The following MCM2 variants were observed in gnomAD, a reference collection of about 807,000 sequenced individuals.
The protein encoded by MCM2 is DNA replication licensing factor MCM2.
MCM2 carries 49 observed loss-of-function variants against 86.4 expected under a neutral mutation model. That is an observed-to-expected ratio of 0.57 (90% CI 0.45 to 0.72). MCM2 has a LOEUF of 0.72. MCM2 is among the 30% of genes least tolerant of loss of function. MCM2 has a pLI of 0.00. For synonymous variants in MCM2, 475 were observed against 484.6 expected (o/e 0.98, Z 0.26); for missense variants, 1,038 against 1,259.9 (o/e 0.82, Z 2.67).
At chr3:127,602,162 CTTTTTT>C (rs201744525) in intron 2 of MCM2, among the ~76,000 whole-genome samples, 4 of 127,938 alleles carry the variant, frequency 3.1e-5, no homozygotes, top group Admixed American at 7.8e-5. Context: ...TCCAGTTTAA[CTTTTTT>C]TTTTTTTTTT....
chr3:127,619,298 C>G lies in MCM2; in HGVS notation c.2265+20C>G, dbSNP rs759424031. The G allele has an allele frequency of 3.7e-6, 6 of 1,607,174 alleles. No homozygotes were observed. The Admixed American group carries it at 1.0e-4, about 27-fold the overall frequency. On this transcript the variant is annotated intron_variant, in intron 13 of 15. Coordinates refer to ENST00000265056, the MANE Select transcript of MCM2 (RefSeq NM_004526.4). Reference sequence around the variant, plus strand: ...TCTATGGTGAGAGCCCAGGCAGAGCCGGGAGGTGCTATGCAGAGAAGGAAG... The same window carrying G: ...TCTATGGTGAGAGCCCAGGCAGAGCGGGGAGGTGCTATGCAGAGAAGGAAG...
rs201200738 is a variant in MCM2, at chr3:127,619,063, G to A, written c.2050G>A (p.Val684Ile). The A allele has an allele frequency of 3.1e-5, 50 of 1,610,868 alleles. No homozygotes were observed. The highest frequency in any genetic ancestry group is 3.5e-5 in the Non-Finnish European group (41 of 1,177,844). Reference sequence around the variant, plus strand: ...GGCCCGCTTCGTGGTGGGCAGCCACGTCAGACACCACCCCAGCAACAAGGA... The same window carrying A: ...GGCCCGCTTCGTGGTGGGCAGCCACATCAGACACCACCCCAGCAACAAGGA... ...MLARFVVGSH[V>I]RHHPSNKEEE... The change falls in exon 13 of 16, where the codon GTC becomes ATC. Residue 684 changes from valine to isoleucine, a missense_variant. Transcript: ENST00000265056.
Position 127,606,054 on chromosome 3 carries a change from A to G in MCM2, c.674-64A>G. The G allele has an allele frequency of 1.5e-6, 2 of 1,329,630 alleles. No homozygotes were observed. The highest frequency in any genetic ancestry group is 3.5e-5 in the Admixed American group (2 of 57,638). The allele number at this position is 1,329,630 out of a possible 1,614,324, so 82.4% of individuals were successfully genotyped here. ...GGTAGGCCTTGCTTCTCACACAGGC[A>G]TTGTTGCAGCCCAGCCCAGGCCTCA... On this transcript the variant is annotated intron_variant, in intron 4 of 15. Coordinates refer to ENST00000265056, the MANE Select transcript of MCM2 (RefSeq NM_004526.4). This position sits in a 1 kb window ranked among gnomAD's most constrained non-coding sequence, Gnocchi z 4.2.
intron 4 of MCM2, 53 bp downstream of exon 4, chr3:127,605,209 TCCC>T: frequency 6.3e-7 from 1 of 1,584,516 alleles, no homozygotes; most frequent in Non-Finnish European, 8.6e-7. Context: ...CCCTAAATCC[TCCC>T]CAGAAAGTTG....
chr3:127,599,620 T>A, intron 2 of MCM2, 73 bp downstream of exon 2: 1 of 1,392,308 alleles, frequency 7.2e-7, no homozygotes, highest in Non-Finnish European at 9.8e-7. Context: ...GTGGCCTGGC[T>A]TTGGGAGCTG....
chr3:127,604,866 C>T (rs892328254), intron 3 of MCM2, 30 bp from the exon 4 acceptor site: 8 of 1,590,744 alleles, frequency 5.0e-6, no homozygotes, highest in South Asian at 2.3e-5. Flanking sequence ...TGGGGATGAC[C>T]GCAGTAGCAG....
In MCM2 at chr3:127,606,373, C is replaced by T. The variant is rs1367286914; in HGVS notation, c.893+36C>T. 1 of 1,599,680 alleles carries T rather than the reference C, an allele frequency of 6.3e-7. No individual in the cohort carries two copies. The highest frequency in any genetic ancestry group is 2.2e-5 in the East Asian group (1 of 44,812). ...GGCAGGTGAGGATGGCAGGTCCGAG[C>T]TCAGTGCTGGGTGACTCGGTCGTGA... is the stretch of plus-strand genomic sequence containing the variant. On this transcript the variant is annotated intron_variant, in intron 5 of 15. Transcript: ENST00000265056. The surrounding 1 kb of genome is among the most constrained non-coding windows in gnomAD (Gnocchi z 4.2).
chr3:127,605,372 A>T (rs756319661), intron 4 of MCM2, among the ~76,000 whole-genome samples: 2 of 152,064 alleles, frequency 1.3e-5, no homozygotes, highest in African/African-American at 4.8e-5. Flanking sequence ...CAAGCTTGAA[A>T]ATGGACAGAT....
intron 13 of MCM2, among the ~76,000 whole-genome samples, 162 bp downstream of exon 13, chr3:127,619,440 T>A (rs756284791): frequency 1.3e-5 from 2 of 151,954 alleles, no homozygotes. Context: ...GGCTCACGCC[T>A]GTAATCCCAG....
At chr3:127,608,250 T>C in intron 6 of MCM2, 132 bp from the exon 7 acceptor site, 1 of 1,134,554 alleles carries the variant, frequency 8.8e-7, no homozygotes, top group Non-Finnish European at 1.3e-6. Flanking sequence ...CATGAACTCA[T>C]TCCTTGCTGT....
Position 127,608,487 on chromosome 3 carries a change from G to A in MCM2, c.1207G>A (p.Val403Met). The A allele has an allele frequency of 1.2e-6, 2 of 1,614,232 alleles. No individual in the cohort carries two copies. The highest frequency in any genetic ancestry group is 1.7e-6 in the Non-Finnish European group (2 of 1,180,046). Reference sequence around the variant, plus strand: ...GGACGCCATTCTCCTCGCAGATCTGGTGGACAGCTGCAAGCCAGGAGACGA... The same window carrying A: ...GGACGCCATTCTCCTCGCAGATCTGATGGACAGCTGCAAGCCAGGAGACGA... ...SKDAILLADL[V>M]DSCKPGDEIE... The change falls in exon 7 of 16, where the codon GTG (valine) becomes ATG (methionine). Residue 403 changes from valine to methionine, a missense_variant. By Grantham distance (21) the Val-to-Met change is conservative. Coordinates refer to ENST00000265056, the MANE Select transcript of MCM2 (RefSeq NM_004526.4).
chr3:127,600,260 G>C (rs1466930284), intron 2 of MCM2, among the ~76,000 whole-genome samples: 1 of 152,194 alleles, frequency 6.6e-6, no homozygotes, highest in Non-Finnish European at 1.5e-5. Flanking sequence ...CAGCCTGGGC[G>C]AAAAGAGTGA....
In MCM2 at chr3:127,617,140, G is replaced by A. The variant is rs2074439307; in HGVS notation, c.1773+22G>A. 6.2e-7 allele frequency: 1 copy of A among 1,609,924 alleles called. No individual in the cohort carries two copies. The highest frequency in any genetic ancestry group is 1.3e-5 in the African/African-American group (1 of 74,960). On this transcript the variant is annotated intron_variant, in intron 10 of 15. Coordinates refer to ENST00000265056, the MANE Select transcript of MCM2 (RefSeq NM_004526.4). The surrounding 1 kb of genome is among the most constrained non-coding windows in gnomAD (Gnocchi z 4.1). The stretch of plus-strand genomic sequence containing the variant: ...CAAGGTGGGTCCCTGGGTCACGGAG[G>A]CTGGTGGAACTCAGGGGGTGTGTGT...
chr3:127,606,342 G>A lies in MCM2; in HGVS notation c.893+5G>A, dbSNP rs1481013090. 3.7e-6 allele frequency: 6 copies of A among 1,613,956 alleles called. No homozygotes were observed. Among genetic ancestry groups the A allele is most frequent in the Non-Finnish European group, 1.7e-6 (2 of 1,179,938 alleles). On this transcript the variant is annotated splice_donor_5th_base_variant and intron_variant, in intron 5 of 15. Transcript: ENST00000265056. This position sits in a 1 kb window ranked among gnomAD's most constrained non-coding sequence, Gnocchi z 4.2. Reference sequence around the variant, plus strand: ...GGAGGAGCTGCGCTCGCTGAGGTGAGCTGAGGGCAGGTGAGGATGGCAGGT... The same window carrying A: ...GGAGGAGCTGCGCTCGCTGAGGTGAACTGAGGGCAGGTGAGGATGGCAGGT...
chr3:127,611,512 T>C (rs1389876666), intron 8 of MCM2, among the ~76,000 whole-genome samples: 1 of 151,950 alleles, frequency 6.6e-6, no homozygotes, highest in Non-Finnish European at 1.5e-5. Flanking sequence ...GAGCCCCAGG[T>C]TCCAAAACGA....
chr3:127,620,606 T>A, intron 13 of MCM2, 92 bp from the exon 14 acceptor site: 1 of 1,362,830 alleles, frequency 7.3e-7, no homozygotes, highest in South Asian at 1.4e-5. Context: ...CAGATGGGTC[T>A]TCTTGGCTCT....
intron 3 of MCM2, 48 bp downstream of exon 3, chr3:127,604,831 A>C (rs2074333008): frequency 6.4e-7 from 1 of 1,573,334 alleles, no homozygotes; most frequent in African/African-American, 1.3e-5. Context: ...GCTGGGAAGG[A>C]GTCTGGGAGG....
At chr3:127,600,989 A>G (rs1461090370) in intron 2 of MCM2, among the ~76,000 whole-genome samples, 2 of 151,982 alleles carry the variant, frequency 1.3e-5, no homozygotes, top group African/African-American at 2.4e-5. Context: ...AGCCTTCACC[A>G]CAATCCAGTG....
chr3:127,621,823 C>G lies in MCM2; in HGVS notation c.*50C>G, dbSNP rs776307019. 3.4e-5 allele frequency: 48 copies of G among 1,424,614 alleles called. No individual in the cohort carries two copies. The highest frequency in any genetic ancestry group is 1.0e-4 in the Admixed American group (6 of 58,276). 88.2% of individuals were successfully genotyped at this position (1,424,614 alleles called of 1,614,324 possible). A position where few individuals can be genotyped will look rare whatever the true frequency, so the allele number is the denominator to read the frequency against. ...CCTTGGGATTCTGGTTTGGGGTGGT[C>G]AGTGCCCTCTGTGCTTTATGGACAC... On this transcript the variant is annotated 3_prime_UTR_variant, in exon 16 of 16. Transcript: ENST00000265056.
Sources: allele counts gnomAD v4.1 joint callset (sites outside exome capture counted in the v4.1 genomes callset), GRCh38; gene constraint gnomAD v4.1.1; non-coding constraint Gnocchi (gnomAD v3.1); transcripts MANE v1.5; gene names NCBI Gene and HGNC (gene_info 2026-07-23, HGNC 2026-07-21).